The following IQCH variants were observed in gnomAD, a reference collection of about 807,000 sequenced individuals.
IQCH encodes the protein IQ domain-containing protein H.
Under a neutral mutation model 117.0 loss-of-function variants are expected in IQCH, and 98 were observed. The ratio of observed to expected loss-of-function variants is 0.84; its 90% confidence interval spans 0.71 to 0.99. The LOEUF (loss-of-function observed/expected upper bound fraction) is 0.99. Among genes scored for constraint, IQCH ranks in the 50% least tolerant of loss-of-function variants. The pLI, the probability that IQCH is intolerant of heterozygous loss-of-function variation, is 0.00. For synonymous variants in IQCH, 412 were observed against 448.2 expected (o/e 0.92, Z 1.02); for missense variants, 1,102 against 1,243.8 (o/e 0.89, Z 1.72).
intron 3 of IQCH, among the ~76,000 whole-genome samples, chr15:67,269,480 T>C (rs140790343): frequency 6.9e-4 from 105 of 152,366 alleles, no homozygotes; most frequent in Middle Eastern, 3.4e-3. Flanking sequence ...TTATTTTTTC[T>C]TTAAGCTAGA....
In IQCH at chr15:67,384,056, T is replaced by G. The variant is rs1403240011; in HGVS notation, c.1373-880T>G. 6.6e-6 allele frequency among the ~76,000 whole-genome samples: 1 copy of G among 152,164 alleles called. No homozygotes were observed. Among genetic ancestry groups the G allele is most frequent in the East Asian group, 1.9e-4 (1 of 5,196 alleles). On this transcript the variant is annotated intron_variant, in intron 10 of 20. Transcript: ENST00000335894. This position sits in a 1 kb window ranked among gnomAD's most constrained non-coding sequence, Gnocchi z 4.3. ...ATCTAGAGCAGTTTAACTTGAAATG[T>G]GTGTTTGGGCTCACTAACCACAAGG... is the stretch of plus-strand genomic sequence containing the variant.
At chr15:67,306,071 T>A (rs1036633569) in intron 4 of IQCH, among the ~76,000 whole-genome samples, 2 of 152,056 alleles carry the variant, frequency 1.3e-5, no homozygotes, top group African/African-American at 4.8e-5. Context: ...TTGTGTATAT[T>A]TTTTTCAAAC....
chr15:67,293,406 C>A (rs938072205), intron 4 of IQCH, among the ~76,000 whole-genome samples: 1 of 152,070 alleles, frequency 6.6e-6, no homozygotes, highest in African/African-American at 2.4e-5. Flanking sequence ...TGCTCAAAAC[C>A]CTGATATAAA....
intron 15 of IQCH, among the ~76,000 whole-genome samples, chr15:67,419,884 A>G (rs1206660863): frequency 6.6e-6 from 1 of 152,242 alleles, no homozygotes; most frequent in Admixed American, 6.5e-5. Context: ...ACTTTGAAAT[A>G]AAATACCCAA....
In IQCH at chr15:67,448,781, T is replaced by G. The variant is rs1347051881; in HGVS notation, c.2506-16346T>G. Among the ~76,000 whole-genome samples the G allele has an allele frequency of 2.5e-4, 38 of 152,148 alleles. 1 individual carries two copies. Among genetic ancestry groups the G allele is most frequent in the Admixed American group, 2.5e-3 (38 of 15,276 alleles). Reference sequence around the variant, plus strand: ...CTGGGTCAAATGGTATTTCTAGTTGTAGATCCCTGAGGAATCGCCACACTG... The same window carrying G: ...CTGGGTCAAATGGTATTTCTAGTTGGAGATCCCTGAGGAATCGCCACACTG... On this transcript the variant is annotated intron_variant, in intron 16 of 20. Transcript: ENST00000335894.
Position 67,456,084 on chromosome 15 carries a change from T to C in IQCH, c.2506-9043T>C, listed in dbSNP as rs1180997333. On this transcript the variant is annotated intron_variant, in intron 16 of 20. Coordinates refer to ENST00000335894, the MANE Select transcript of IQCH (RefSeq NM_001031715.3). This position sits in a 1 kb window ranked among gnomAD's most constrained non-coding sequence, Gnocchi z 5.1. ...TAATAGAGGGAGGGTCATAAATGCA[T>C]GGAGGCTGCAGAAGAAACTCAGAAA... 6.6e-6 allele frequency among the ~76,000 whole-genome samples: 1 copy of C among 152,020 alleles called. No homozygotes were observed. Among genetic ancestry groups the C allele is most frequent in the Non-Finnish European group, 1.5e-5 (1 of 68,016 alleles).
At chr15:67,371,660 C>A (rs1033757213) in intron 8 of IQCH, 1 of 597,634 alleles carries the variant, frequency 1.7e-6, no homozygotes, top group South Asian at 2.6e-5. Flanking sequence ...TTTTAACGGG[C>A]ACATTTGAAG....
At position 67,474,657 on chromosome 15, in the gene IQCH, G is replaced by A. The variant is rs2083159184; in HGVS notation, c.2677-1039G>A. 6.6e-6 allele frequency among the ~76,000 whole-genome samples: 1 copy of A among 152,178 alleles called. No homozygotes were observed. The highest frequency in any genetic ancestry group is 2.4e-5 in the African/African-American group (1 of 41,444). ...AAGAAGAGCCGTTTCCCCAAAGAAAGCAGCATCAAATTTCTAATGTTGGCC... is the reference window on the plus strand; with the variant it reads ...AAGAAGAGCCGTTTCCCCAAAGAAAACAGCATCAAATTTCTAATGTTGGCC... On this transcript the variant is annotated intron_variant, in intron 17 of 20. Coordinates refer to ENST00000335894, the MANE Select transcript of IQCH (RefSeq NM_001031715.3). The surrounding 1 kb of genome is among the most constrained non-coding windows in gnomAD (Gnocchi z 4.1).
chr15:67,488,991 A>G (rs538616335), intron 18 of IQCH, among the ~76,000 whole-genome samples: 97 of 152,218 alleles, frequency 6.4e-4, no homozygotes, highest in African/African-American at 2.2e-3. Context: ...ACTGAAGTAC[A>G]AATTATTTTC....
chr15:67,277,710 T>C (rs1418040519), intron 3 of IQCH, among the ~76,000 whole-genome samples: 1 of 152,038 alleles, frequency 6.6e-6, no homozygotes, highest in African/African-American at 2.4e-5. Flanking sequence ...ATTTTTTGTA[T>C]TTTTAGTACA....
intron 5 of IQCH, among the ~76,000 whole-genome samples, chr15:67,338,235 C>CTATCTATCTGTT (rs1555455336): frequency 3.3e-5 from 5 of 149,520 alleles, no homozygotes; most frequent in Non-Finnish European, 7.4e-5. Flanking sequence ...ATCTATCTAT[C>CTATCTATCTGTT]TATCTATCTA....
intron 8 of IQCH, among the ~76,000 whole-genome samples, chr15:67,368,739 C>G (rs58518899): frequency 2.0e-5 from 3 of 152,180 alleles, no homozygotes; most frequent in Non-Finnish European, 4.4e-5. Flanking sequence ...CCATTTGCCA[C>G]TATGAGATCC....
rs1261306566 is a variant in IQCH at position 67,465,815 on chromosome 15, T to C, written c.2676+518T>C. 2.0e-5 allele frequency among the ~76,000 whole-genome samples: 3 copies of C among 151,976 alleles called. No homozygotes were observed. The highest frequency in any genetic ancestry group is 4.4e-5 in the Non-Finnish European group (3 of 68,000). ...CAGTCAGCAAGCAGGGCGTGTTGAG[T>C]CTAGCTACGAAAATGCCACTAACCT... On this transcript the variant is annotated intron_variant, in intron 17 of 20. Coordinates refer to ENST00000335894, the MANE Select transcript of IQCH (RefSeq NM_001031715.3). This position sits in a 1 kb window ranked among gnomAD's most constrained non-coding sequence, Gnocchi z 5.9.
At chr15:67,349,163 G>A (rs1969538603) in intron 6 of IQCH, among the ~76,000 whole-genome samples, 1 of 152,318 alleles carries the variant, frequency 6.6e-6, no homozygotes, top group African/African-American at 2.4e-5. Flanking sequence ...ACTTTTGGAA[G>A]AAAACAAAGG....
At chr15:67,257,907 C>G (rs1482340856) in intron 1 of IQCH, among the ~76,000 whole-genome samples, 3 of 152,154 alleles carry the variant, frequency 2.0e-5, no homozygotes, top group African/African-American at 7.2e-5. Flanking sequence ...CTGATTGTGT[C>G]TGATTTGTCA....
chr15:67,458,421 G>A lies in IQCH; in HGVS notation c.2506-6706G>A, dbSNP rs1250337541. ...CACTTCTCCCACCTTCCAGTTACCA[G>A]TGTGGTCCAGCCACCATCATCTCTC... On this transcript the variant is annotated intron_variant, in intron 16 of 20. Coordinates refer to ENST00000335894, the MANE Select transcript of IQCH (RefSeq NM_001031715.3). The surrounding 1 kb of genome is among the most constrained non-coding windows in gnomAD (Gnocchi z 4.1). Among the ~76,000 whole-genome samples, 1 of 152,138 alleles carries A rather than the reference G, an allele frequency of 6.6e-6. No individual in the cohort carries two copies. Among genetic ancestry groups the A allele is most frequent in the Non-Finnish European group, 1.5e-5 (1 of 68,032 alleles).
At chr15:67,495,178 C>T (rs2083772046) in intron 20 of IQCH, among the ~76,000 whole-genome samples, 1 of 152,166 alleles carries the variant, frequency 6.6e-6, no homozygotes, top group Non-Finnish European at 1.5e-5. Context: ...ATTTTAATTA[C>T]ATTTTTGATT....
chr15:67,483,311 G>A (rs2083387094), intron 18 of IQCH, among the ~76,000 whole-genome samples: 1 of 152,202 alleles, frequency 6.6e-6, no homozygotes, highest in Non-Finnish European at 1.5e-5. Context: ...GAGGCCAGGA[G>A]TTTGAGACCA....
intron 6 of IQCH, among the ~76,000 whole-genome samples, chr15:67,354,702 AAAT>A: frequency 6.6e-6 from 1 of 152,330 alleles, no homozygotes; most frequent in Non-Finnish European, 1.5e-5. Context: ...AATATCAGAA[AAAT>A]ACCAGTGGCC....
Sources: gnomAD v4.1 joint callset for allele counts (sites outside exome capture counted in the v4.1 genomes callset) on GRCh38, gnomAD v4.1.1 for gene constraint, Gnocchi (gnomAD v3.1) non-coding constraint, MANE v1.5 for transcripts, NCBI Gene and HGNC (gene_info 2026-07-23, HGNC 2026-07-21) for gene names.